KCNC2: variants seen among roughly 807,000 people sequenced by gnomAD.
KCNC2 encodes voltage-gated potassium channel KCNC2.
Under a neutral mutation model 44.5 loss-of-function variants are expected in KCNC2, and 21 were observed. The observed-to-expected ratio is 0.47, with a 90% confidence interval of 0.33 to 0.68. KCNC2 has a LOEUF of 0.68. Ranked by LOEUF, KCNC2 falls within the 30% of genes least tolerant of loss-of-function variation. KCNC2 has a pLI of 0.01. For missense variants in KCNC2, 589 were observed against 826.2 expected (o/e 0.71, Z 3.52); for synonymous variants, 391 against 339.1 (o/e 1.15, Z -1.68).
chr12:75,125,643 T>C (rs1227740463), intron 2 of KCNC2, among the ~76,000 whole-genome samples: 2 of 152,310 alleles, frequency 1.3e-5, no homozygotes, highest in East Asian at 1.9e-4. Context: ...TGTTTTCATA[T>C]CACTTTTTGC....
At chr12:75,044,721 A>G (rs1447838375) in intron 4 of KCNC2, 1 of 151,988 alleles carries the variant, frequency 6.6e-6, no homozygotes, top group Non-Finnish European at 1.5e-5. Context: ...CAAAATGCAC[A>G]CACATTAACC....
Position 75,141,715 on chromosome 12 carries a change from T to C in KCNC2, c.687+65582A>G, listed in dbSNP as rs111595364. Among the ~76,000 whole-genome samples, 687 of 152,302 alleles carry C rather than the reference T, an allele frequency of 4.5e-3. 3 individuals carry two copies. Among genetic ancestry groups the C allele is most frequent in the African/African-American group, 0.015 (631 of 41,562 alleles). ...TGTGGCTAATATAAATTTAGTATAA[T>C]GTATTGGATAAGCCATGTGGTCCTG... On this transcript the variant is annotated intron_variant, in intron 2 of 4. Coordinates refer to ENST00000549446, the MANE Select transcript of KCNC2 (RefSeq NM_139137.4).
intron 2 of KCNC2, among the ~76,000 whole-genome samples, chr12:75,166,312 C>G (rs1593008872): frequency 6.7e-6 from 1 of 150,014 alleles, no homozygotes; most frequent in Non-Finnish European, 1.5e-5. Context: ...AATACAGAAG[C>G]AAAAACTGAC....
At chr12:75,094,351 G>C (rs1022692420) in intron 2 of KCNC2, among the ~76,000 whole-genome samples, 3 of 151,608 alleles carry the variant, frequency 2.0e-5, no homozygotes, top group Non-Finnish European at 4.4e-5. Context: ...ATAGTGGAAT[G>C]AGTTATTATT....
In KCNC2 at chr12:75,041,315, C is replaced by T. The variant is rs1023653856; in HGVS notation, c.*1790G>A. On this transcript the variant is annotated 3_prime_UTR_variant, in exon 5 of 5. Transcript: ENST00000549446. ...TGTTATCAAAAGAATCACTGTGTCT[C>T]TAAATATCATATATGTATGTCTGGA... 5.3e-6 allele frequency: 8 copies of T among 1,504,586 alleles called. No homozygotes were observed. Among genetic ancestry groups the T allele is most frequent in the East Asian group, 4.9e-5 (2 of 40,654 alleles). The allele number at this position is 1,504,586 out of a possible 1,614,324, so 93.2% of individuals were successfully genotyped here.
chr12:75,207,630 G>A lies in KCNC2; in HGVS notation c.354C>T (p.Tyr118=). 6.2e-7 allele frequency: 1 copy of A among 1,611,954 alleles called. No homozygotes were observed. The highest frequency in any genetic ancestry group is 1.7e-5 in the Admixed American group (1 of 60,014). Reference sequence around the variant, plus strand: ...CGGGGCAGTGCAGCTTGCCGGTGCGGTAGTAATTGAGCACATAGGCGAAGA... The same window carrying A: ...CGGGGCAGTGCAGCTTGCCGGTGCGATAGTAATTGAGCACATAGGCGAAGA... ...PGVFAYVLNY[Y]RTGKLHCPAD... Residue 118 remains tyrosine (Y), a synonymous_variant, in exon 2 of 5, where the codon TAC becomes TAT. Coordinates refer to ENST00000549446, the MANE Select transcript of KCNC2 (RefSeq NM_139137.4). This position sits in a 1 kb window ranked among gnomAD's most constrained non-coding sequence, Gnocchi z 4.1.
chr12:75,206,792 A>G (rs1173845652), intron 2 of KCNC2, among the ~76,000 whole-genome samples: 1 of 152,204 alleles, frequency 6.6e-6, no homozygotes, highest in Non-Finnish European at 1.5e-5. Flanking sequence ...CCCCAGACAC[A>G]TAGATACATT....
chr12:75,082,215 G>C (rs1884577487), intron 2 of KCNC2, among the ~76,000 whole-genome samples: 1 of 151,716 alleles, frequency 6.6e-6, no homozygotes, highest in East Asian at 1.9e-4. Context: ...AACTTAGGAA[G>C]TTTTAAATCC....
chr12:75,050,572 A>G lies in KCNC2; in HGVS notation c.1433T>C (p.Met478Thr). ...CTTTGCCATTGCCAAGGAGTAGTAC[A>G]TTCCAAAATTATTGACAATGACAGG... Reference protein sequence around the residue: ...PVPVIVNNFGMYYSLAMAKQK... With the variant: ...PVPVIVNNFGTYYSLAMAKQK... The change falls in exon 3 of 5, where the codon ATG becomes ACG. Residue 478 changes from methionine to threonine, a missense_variant. This residue lies in a region of KCNC2 where 67 missense variants were observed against 237.4 expected (regional missense o/e 0.28). Transcript: ENST00000549446. 1 of 1,613,568 alleles carries G rather than the reference A, an allele frequency of 6.2e-7. No homozygotes were observed. The highest frequency in any genetic ancestry group is 8.5e-7 in the Non-Finnish European group (1 of 1,179,826).
At chr12:75,044,699 C>T (rs957580463) in intron 4 of KCNC2, 1 of 151,928 alleles carries the variant, frequency 6.6e-6, no homozygotes, top group Non-Finnish European at 1.5e-5. Context: ...GATGAACATT[C>T]CCCTCCCCTC....
chr12:75,177,333 A>G (rs1357332812), intron 2 of KCNC2, among the ~76,000 whole-genome samples: 6 of 152,020 alleles, frequency 3.9e-5, no homozygotes, highest in African/African-American at 1.4e-4. Context: ...TGTATAAATT[A>G]GTGTAGAATC....
At chr12:75,064,285 A>G (rs934994959) in intron 2 of KCNC2, among the ~76,000 whole-genome samples, 1 of 152,014 alleles carries the variant, frequency 6.6e-6, no homozygotes, top group East Asian at 1.9e-4. Context: ...CTCTTATTTG[A>G]CTCTACAAAA....
At chr12:75,164,738 G>A (rs1471064943) in intron 2 of KCNC2, among the ~76,000 whole-genome samples, 1 of 151,624 alleles carries the variant, frequency 6.6e-6, no homozygotes, top group Non-Finnish European at 1.5e-5. Flanking sequence ...TTTAATCTAT[G>A]AGAATAGCCA....
At chr12:75,077,480 C>T (rs1884100381) in intron 2 of KCNC2, among the ~76,000 whole-genome samples, 1 of 152,056 alleles carries the variant, frequency 6.6e-6, no homozygotes, top group South Asian at 2.1e-4. Context: ...TTCCTCAAAA[C>T]CATAATTGAG....
In KCNC2 at chr12:75,048,300, T is replaced by G. The variant is rs1253046226; in HGVS notation, c.1633A>C (p.Ser545Arg). The part of the protein sequence containing the change: ...HNRSVLSGDD[S>R]TGSEPPLSPP... ...GATAGTGGCGGCTCACTTCCTGTACTGTCGTCACCTGATAACACTGGTCAC... is the reference window on the plus strand; with the variant it reads ...GATAGTGGCGGCTCACTTCCTGTACGGTCGTCACCTGATAACACTGGTCAC... Residue 545 changes from serine (S) to arginine (R), a missense_variant, in exon 4 of 5, where the codon AGT (serine) becomes CGT (arginine). This residue lies in a region of KCNC2 where 171 missense variants were observed against 182.4 expected (regional missense o/e 0.94). Coordinates refer to ENST00000549446, the MANE Select transcript of KCNC2 (RefSeq NM_139137.4). The G allele has an allele frequency of 6.2e-7, 1 of 1,611,596 alleles. No homozygotes were observed. The highest frequency in any genetic ancestry group is 1.1e-5 in the South Asian group (1 of 90,818).
chr12:75,144,726 A>G (rs547415795), intron 2 of KCNC2, among the ~76,000 whole-genome samples: 2 of 152,202 alleles, frequency 1.3e-5, no homozygotes, highest in South Asian at 2.1e-4. Context: ...GCCTAACTTT[A>G]TAAATACTTA....
rs201137392 is a variant in KCNC2, at chr12:75,050,396, T to G, written c.1609A>C (p.Arg537=). ...ATTTGAAGTCCTGCCTTACCTGATC[T>G]GTTATGTTCCAGAAGTCGATTGTCT... ...GKDNRLLEHN[R]SVLSGDDSTG... The change falls in exon 3 of 5, where the codon AGA becomes CGA. Residue 537 remains arginine, a synonymous_variant. Transcript: ENST00000549446. 9 of 1,605,662 alleles carry G rather than the reference T, an allele frequency of 5.6e-6. No homozygotes were observed. Among genetic ancestry groups the G allele is most frequent in the Non-Finnish European group, 7.7e-6 (9 of 1,174,554 alleles).
In KCNC2 at chr12:75,041,598, T is replaced by C; in HGVS notation, c.*1507A>G. The C allele has an allele frequency of 9.7e-7, 1 of 1,035,874 alleles. No individual in the cohort carries two copies. The highest frequency in any genetic ancestry group is 1.2e-6 in the Non-Finnish European group (1 of 859,056). The allele number at this position is 1,035,874 out of a possible 1,614,324, so 64.2% of individuals were successfully genotyped here. ...CATGAGACACGCTATTGCTGTTGAA[T>C]TCATAGGAATGCATAAATAGACTTT... On this transcript the variant is annotated 3_prime_UTR_variant, in exon 5 of 5. Transcript: ENST00000549446.
At chr12:75,094,806 A>C (rs1242262591) in intron 2 of KCNC2, among the ~76,000 whole-genome samples, 2 of 151,740 alleles carry the variant, frequency 1.3e-5, no homozygotes, top group Non-Finnish European at 3.0e-5. Context: ...CTCTATCAAC[A>C]GAAATTGGCA....
Sources: allele counts gnomAD v4.1 joint callset (sites outside exome capture counted in the v4.1 genomes callset), GRCh38; gene constraint gnomAD v4.1.1; regional missense constraint gnomAD v4.1.1; non-coding constraint Gnocchi (gnomAD v3.1); transcripts MANE v1.5; gene names NCBI Gene and HGNC (gene_info 2026-07-23, HGNC 2026-07-21).